Variants in RBM6 observed in about 807,000 individuals in gnomAD.
The protein encoded by RBM6 is RNA-binding protein 6.
In RBM6, 23 loss-of-function variants were observed where a neutral mutation model predicts 140.4. The observed-to-expected ratio is 0.16, with a 90% CI of 0.12 to 0.23. RBM6 has a LOEUF of 0.23. Ranked by LOEUF, RBM6 falls within the 10% of genes least tolerant of loss-of-function variation. The pLI, the probability that RBM6 is intolerant of heterozygous loss-of-function variation, is 1.00. For synonymous variants in RBM6, 439 were observed against 475.6 expected, an observed-to-expected ratio of 0.92 and a Z score of 1.00; for missense variants, 1,139 against 1,386.7, an observed-to-expected ratio of 0.82 and a Z score of 2.84.
chr3:49,985,302 A>G (rs567317465), intron 5 of RBM6, among the ~76,000 whole-genome samples: 7 of 152,354 alleles, frequency 4.6e-5, no homozygotes, highest in African/African-American at 1.7e-4. Flanking sequence ...GATAGAGGCC[A>G]TCTATAAAAA....
At chr3:50,008,127 A>G (rs936854619) in intron 6 of RBM6, among the ~76,000 whole-genome samples, 1 of 152,148 alleles carries the variant, frequency 6.6e-6, no homozygotes, top group African/African-American at 2.4e-5. Flanking sequence ...TCTGATAACC[A>G]GCCCATTATT....
rs769576063 is a variant in RBM6, at chr3:50,048,339, T to C, written c.1632+20T>C. ...AAACGAGTAAGTACCAAGAATCCCT[T>C]TCTTTAGAAGTAAGTATCTGGAATA... On this transcript the variant is annotated intron_variant, in intron 7 of 20. Coordinates refer to ENST00000266022, the MANE Select transcript of RBM6 (RefSeq NM_005777.3). 8.7e-6 allele frequency: 14 copies of C among 1,607,058 alleles called. No homozygotes were observed. The highest frequency in any genetic ancestry group is 1.2e-5 in the Non-Finnish European group (14 of 1,175,858).
intron 6 of RBM6, among the ~76,000 whole-genome samples, chr3:50,019,696 T>C (rs2087377965): frequency 6.6e-6 from 1 of 152,066 alleles, no homozygotes; most frequent in Non-Finnish European, 1.5e-5. Flanking sequence ...TTGTTCCTGA[T>C]GTTAGTGGGA....
intron 5 of RBM6, 71 bp from the exon 6 acceptor site, chr3:49,999,369 G>A (rs2108735769): frequency 7.5e-7 from 1 of 1,333,286 alleles, no homozygotes; most frequent in Non-Finnish European, 1.1e-6. Flanking sequence ...AGAAACAGGG[G>A]ATTTAAGTGT....
chr3:49,960,669 T>G (rs143198543), intron 1 of RBM6, among the ~76,000 whole-genome samples: 1 of 152,296 alleles, frequency 6.6e-6, no homozygotes, highest in Non-Finnish European at 1.5e-5. Context: ...AAATAACTTC[T>G]TATCTTGACT....
At chr3:50,018,397 T>C (rs1333883560) in intron 6 of RBM6, among the ~76,000 whole-genome samples, 4 of 152,156 alleles carry the variant, frequency 2.6e-5, no homozygotes. Flanking sequence ...AATATCCCAT[T>C]GTATGGATAT....
intron 5 of RBM6, among the ~76,000 whole-genome samples, chr3:49,975,762 A>T (rs1276322682): frequency 1.3e-5 from 2 of 152,240 alleles, no homozygotes; most frequent in Non-Finnish European, 2.9e-5. Flanking sequence ...AAAATTTTAC[A>T]TTCATTGCTT....
At chr3:49,940,642 C>T (rs936279819) in intron 1 of RBM6, 2 of 155,366 alleles carry the variant, frequency 1.3e-5, no homozygotes, top group Admixed American at 6.5e-5. Flanking sequence ...GTAGCCTCGT[C>T]CTCAGACTTG....
At chr3:50,014,325 T>A (rs532058774) in intron 6 of RBM6, among the ~76,000 whole-genome samples, 1 of 152,270 alleles carries the variant, frequency 6.6e-6, no homozygotes, top group Non-Finnish European at 1.5e-5. Context: ...TGGACCAGAA[T>A]AAGTTCTTTA....
intron 6 of RBM6, among the ~76,000 whole-genome samples, chr3:50,037,164 C>G (rs897589205): frequency 2.0e-5 from 3 of 152,072 alleles, no homozygotes; most frequent in African/African-American, 7.2e-5. Context: ...CTTTGGGAGG[C>G]TGTGGCAGGA....
At chr3:50,030,205 C>T (rs62262148) in intron 6 of RBM6, among the ~76,000 whole-genome samples, 7,845 of 149,490 alleles carry the variant, frequency 0.052, 267 homozygotes, top group Non-Finnish European at 0.077. Flanking sequence ...ATCACTTGGG[C>T]CCAGGAAGTC....
intron 6 of RBM6, among the ~76,000 whole-genome samples, chr3:50,037,688 G>A (rs1406402976): frequency 1.3e-5 from 2 of 152,004 alleles, no homozygotes; most frequent in Non-Finnish European, 2.9e-5. Flanking sequence ...CAATGGAGAT[G>A]GGGTCTCACT....
chr3:50,005,901 G>T (rs2086547560), intron 6 of RBM6, among the ~76,000 whole-genome samples: 1 of 151,992 alleles, frequency 6.6e-6, no homozygotes, highest in Non-Finnish European at 1.5e-5. Context: ...GAGTGTATAG[G>T]TTCATAACCT....
In RBM6 at chr3:50,058,532, C is replaced by T. The variant is rs377476421; in HGVS notation, c.2100C>T (p.Thr700=). Residue 700 remains threonine, a synonymous_variant, in exon 10 of 21, where the codon ACC becomes ACT. Transcript: ENST00000266022. ...ACAGAACAGGCCCTATGGGGCATAC[C>T]TATGGCTTTATTGACCTCGACTCCC... is the stretch of plus-strand genomic sequence containing the variant. ...IKNRTGPMGH[T]YGFIDLDSHA... is the part of the protein sequence containing the mutation. The T allele has an allele frequency of 6.2e-6, 10 of 1,611,470 alleles. No homozygotes were observed. The South Asian group carries it at 7.7e-5, about 12-fold the overall frequency.
At chr3:49,941,497 G>C (rs923509399) in intron 1 of RBM6, among the ~76,000 whole-genome samples, 2 of 151,692 alleles carry the variant, frequency 1.3e-5, no homozygotes, top group Non-Finnish European at 2.9e-5. Context: ...AAAATTAGCC[G>C]GGCATGGTGG....
At chr3:50,041,422 CCTT>C (rs1240685234) in intron 6 of RBM6, among the ~76,000 whole-genome samples, 1 of 152,164 alleles carries the variant, frequency 6.6e-6, no homozygotes, top group Admixed American at 6.5e-5. Flanking sequence ...TCCATCTCCT[CCTT>C]CCCTCTTCTA....
intron 6 of RBM6, among the ~76,000 whole-genome samples, chr3:50,016,894 C>T (rs1318506485): frequency 6.7e-6 from 1 of 148,824 alleles, no homozygotes; most frequent in African/African-American, 2.5e-5. Context: ...GGTATGACCT[C>T]GGCTTACTGC....
intron 2 of RBM6, among the ~76,000 whole-genome samples, chr3:49,965,405 C>T (rs923080569): frequency 6.6e-6 from 1 of 152,222 alleles, no homozygotes; most frequent in Admixed American, 6.5e-5. Flanking sequence ...CGTGGCGGCT[C>T]ACGCCTGTAA....
At chr3:49,992,486 G>A (rs2108712505) in intron 5 of RBM6, among the ~76,000 whole-genome samples, 1 of 152,326 alleles carries the variant, frequency 6.6e-6, no homozygotes, top group Non-Finnish European at 1.5e-5. Context: ...AGAGGCAGCT[G>A]TCTGATCTTT....
Sources: gnomAD v4.1 joint callset for allele counts (sites outside exome capture counted in the v4.1 genomes callset) on GRCh38, gnomAD v4.1.1 for gene constraint, MANE v1.5 for transcripts, NCBI Gene and HGNC (gene_info 2026-07-23, HGNC 2026-07-21) for gene names.